The following ZNF385B variants were observed in gnomAD, a reference collection of about 807,000 sequenced individuals.
ZNF385B encodes zinc finger protein 385B.
ZNF385B carries 23 observed loss-of-function variants against 39.2 expected under a neutral mutation model. The observed-to-expected ratio is 0.59, with a 90% CI of 0.42 to 0.83. ZNF385B has a LOEUF of 0.83. Ranked by LOEUF, ZNF385B falls within the 40% of genes least tolerant of loss-of-function variation. ZNF385B has a pLI of 0.00. For missense variants in ZNF385B, 552 were observed against 598.9 expected, an observed-to-expected ratio of 0.92 and a Z score of 0.82; for synonymous variants, 205 against 222.6, an observed-to-expected ratio of 0.92 and a Z score of 0.70.
intron 4 of ZNF385B, among the ~76,000 whole-genome samples, chr2:179,521,490 G>C (rs1209504800): frequency 6.6e-6 from 1 of 151,342 alleles, no homozygotes; most frequent in Non-Finnish European, 1.5e-5. Flanking sequence ...GTGAGCCATT[G>C]TGCCCGGCCC....
At chr2:179,683,158 C>T (rs916424199) in intron 3 of ZNF385B, among the ~76,000 whole-genome samples, 18 of 152,128 alleles carry the variant, frequency 1.2e-4, no homozygotes, top group African/African-American at 4.1e-4. Flanking sequence ...GAGGCCGAGG[C>T]GGGCGGATCA....
intron 1 of ZNF385B, among the ~76,000 whole-genome samples, chr2:179,787,208 G>A (rs1270160738): frequency 6.6e-6 from 1 of 151,632 alleles, no homozygotes; most frequent in African/African-American, 2.4e-5. Context: ...ATGATTTTTG[G>A]ATCATTATGG....
At chr2:179,496,282 T>C (rs1039531691) in intron 5 of ZNF385B, among the ~76,000 whole-genome samples, 1 of 151,518 alleles carries the variant, frequency 6.6e-6, no homozygotes, top group South Asian at 2.1e-4. Flanking sequence ...TGAAAATACA[T>C]GGAGAGAGGA....
intron 3 of ZNF385B, among the ~76,000 whole-genome samples, chr2:179,620,256 G>A (rs1690098019): frequency 6.6e-6 from 1 of 152,070 alleles, no homozygotes; most frequent in African/African-American, 2.4e-5. Context: ...CCCTACTGTA[G>A]ATCCTCTCAC....
chr2:179,860,880 G>A, intron 1 of ZNF385B: 2 of 281,824 alleles, frequency 7.1e-6, no homozygotes, highest in South Asian at 3.3e-5. Context: ...GGACTCGCAG[G>A]AGTTAGGATT....
intron 6 of ZNF385B, chr2:179,481,076 C>G (rs963992131): frequency 6.6e-6 from 1 of 152,076 alleles, no homozygotes; most frequent in Non-Finnish European, 1.5e-5. Context: ...ATTTGTTTTC[C>G]TCTCTCCTGG....
chr2:179,442,758 A>G lies in ZNF385B; in HGVS notation c.*492T>C, dbSNP rs1464127162. On this transcript the variant is annotated 3_prime_UTR_variant, in exon 10 of 10. Coordinates refer to ENST00000410066, the MANE Select transcript of ZNF385B (RefSeq NM_152520.6). ...GAACTTTGTGATCCGTTGGTAAGAT[A>G]GTATCCACAAGTAAGCACTTGTGTT... The G allele has an allele frequency of 4.8e-6, 1 of 207,558 alleles. No homozygotes were observed. The highest frequency in any genetic ancestry group is 9.8e-6 in the Non-Finnish European group (1 of 101,740). The allele number at this position is 207,558 out of a possible 1,614,324, so 12.9% of individuals were successfully genotyped here. A position where few individuals can be genotyped will look rare whatever the true frequency, so the allele number is the denominator to read the frequency against.
chr2:179,761,184 T>C lies in ZNF385B; in HGVS notation c.298+8319A>G, dbSNP rs542606035. On this transcript the variant is annotated intron_variant, in intron 3 of 9. Transcript: ENST00000410066. ...TTGGGTAGAGAGATCCCTCCTTTTT[T>C]CTTCTTTGTCAAGTTTTAGCTAGTA... Among the ~76,000 whole-genome samples, 18 of 152,320 alleles carry C rather than the reference T, an allele frequency of 1.2e-4. No homozygotes were observed. The South Asian group carries it at 2.1e-3, about 18-fold the overall frequency.
chr2:179,850,415 C>T (rs1709020816), intron 1 of ZNF385B, among the ~76,000 whole-genome samples: 1 of 152,148 alleles, frequency 6.6e-6, no homozygotes. Flanking sequence ...GACAGTGAAT[C>T]ATCTGAAAGT....
chr2:179,638,298 A>G (rs933029432), intron 3 of ZNF385B, among the ~76,000 whole-genome samples: 1 of 152,192 alleles, frequency 6.6e-6, no homozygotes, highest in Non-Finnish European at 1.5e-5. Flanking sequence ...AAAAAGGAAG[A>G]ACTAATTTAC....
At chr2:179,708,882 T>C (rs986526147) in intron 3 of ZNF385B, among the ~76,000 whole-genome samples, 1 of 152,194 alleles carries the variant, frequency 6.6e-6, no homozygotes. Flanking sequence ...CAGCCCTGTA[T>C]GGCCCCTGTG....
chr2:179,719,081 A>G (rs531895238), intron 3 of ZNF385B, among the ~76,000 whole-genome samples: 16 of 152,052 alleles, frequency 1.1e-4, no homozygotes, highest in African/African-American at 3.6e-4. Flanking sequence ...CCTCCTAACC[A>G]TACCATGCCA....
At chr2:179,781,975 A>G (rs564127980) in intron 1 of ZNF385B, among the ~76,000 whole-genome samples, 1 of 152,328 alleles carries the variant, frequency 6.6e-6, no homozygotes, top group South Asian at 2.1e-4. Flanking sequence ...TCCCCAGCTC[A>G]TTCTGTGAGG....
intron 5 of ZNF385B, among the ~76,000 whole-genome samples, chr2:179,484,759 A>G (rs2054383623): frequency 6.6e-6 from 1 of 152,230 alleles, no homozygotes; most frequent in South Asian, 2.1e-4. Context: ...GAGATACAGG[A>G]CAACAAAAAA....
intron 1 of ZNF385B, among the ~76,000 whole-genome samples, chr2:179,818,478 T>C (rs964440453): frequency 2.6e-4 from 40 of 152,244 alleles, no homozygotes; most frequent in Admixed American, 4.6e-4. Flanking sequence ...TTACAACTGA[T>C]GTCTCTCAAT....
intron 1 of ZNF385B, among the ~76,000 whole-genome samples, chr2:179,852,173 G>A (rs1191022724): frequency 2.0e-5 from 3 of 152,184 alleles, no homozygotes; most frequent in Non-Finnish European, 2.9e-5. Context: ...TGGCAGCTAC[G>A]GAGAAGGGAA....
At chr2:179,492,835 AG>A (rs2055392766) in intron 5 of ZNF385B, among the ~76,000 whole-genome samples, 1 of 152,122 alleles carries the variant, frequency 6.6e-6, no homozygotes, top group Non-Finnish European at 1.5e-5. Flanking sequence ...AATATAACTA[AG>A]AGAAAATAAT....
intron 1 of ZNF385B, among the ~76,000 whole-genome samples, chr2:179,771,377 T>A (rs1383414379): frequency 6.6e-6 from 1 of 152,188 alleles, no homozygotes; most frequent in East Asian, 1.9e-4. Context: ...TACCCATACA[T>A]CCAATTGTGA....
At chr2:179,693,333 T>C (rs1698494263) in intron 3 of ZNF385B, among the ~76,000 whole-genome samples, 1 of 152,186 alleles carries the variant, frequency 6.6e-6, no homozygotes, top group Admixed American at 6.5e-5. Context: ...GGATGCTGAA[T>C]GACTGAAGGG....
Sources: gnomAD v4.1 joint callset for allele counts (sites outside exome capture counted in the v4.1 genomes callset) on GRCh38, gnomAD v4.1.1 for gene constraint, MANE v1.5 for transcripts, NCBI Gene and HGNC (gene_info 2026-07-23, HGNC 2026-07-21) for gene names.